The following MAST2 variants were observed in gnomAD, a reference collection of about 807,000 sequenced individuals.
The protein encoded by MAST2 is microtubule associated serine/threonine kinase 2.
In MAST2, 70 loss-of-function variants were observed where a neutral mutation model predicts 147.4. The observed-to-expected ratio is 0.47, with a 90% CI of 0.39 to 0.58. The LOEUF is 0.58. Among genes scored for constraint, MAST2 ranks in the 20% least tolerant of loss-of-function variants. The pLI is 0.00. For synonymous variants in MAST2, 869 were observed against 896.8 expected (o/e 0.97, Z 0.55); for missense variants, 2,080 against 2,302.3 (o/e 0.90, Z 1.98).
At position 46,031,024 on chromosome 1, in the gene MAST2, C is replaced by T. The variant is rs555360909; in HGVS notation, c.2726C>T (p.Ser909Leu). 8 of 1,613,508 alleles carry T rather than the reference C, an allele frequency of 5.0e-6. No homozygotes were observed. Among genetic ancestry groups the T allele is most frequent in the Admixed American group, 3.3e-5 (2 of 59,964 alleles). ...TCTCATAGATTACGGAAGCGGCTGT[C>T]GGTGTCTGAGTCATCCCACACAGAG... ...GSPEILRKRL[S>L]VSESSHTESD... Residue 909 changes from serine to leucine, a missense_variant, in exon 23 of 29, where the codon TCG becomes TTG. This residue lies in a region of MAST2 where 1,278 missense variants were observed against 1,304.2 expected (regional missense o/e 0.98). Coordinates refer to ENST00000361297, the MANE Select transcript of MAST2 (RefSeq NM_015112.3). This position sits in a 1 kb window ranked among gnomAD's most constrained non-coding sequence, Gnocchi z 4.1.
At chr1:45,955,305 A>T (rs1023913648) in intron 4 of MAST2, among the ~76,000 whole-genome samples, 4 of 152,198 alleles carry the variant, frequency 2.6e-5, no homozygotes, top group Non-Finnish European at 4.4e-5. Context: ...ACCTATACAC[A>T]TCTTCCTGTA....
chr1:46,017,121 T>C (rs1645984544), intron 10 of MAST2, among the ~76,000 whole-genome samples: 1 of 152,196 alleles, frequency 6.6e-6, no homozygotes. Flanking sequence ...TGGCTAGCCA[T>C]ATGTAGAAAG....
rs750792731 is a variant in MAST2, at chr1:46,029,552, G to C, written c.2305G>C (p.Glu769Gln). The change falls in exon 19 of 29, where the codon GAG (glutamate) becomes CAG (glutamine). Residue 769 changes from glutamate to glutamine, a missense_variant. This residue lies in a region of MAST2 where 209 missense variants were observed against 309.5 expected (regional missense o/e 0.68). Coordinates refer to ENST00000361297, the MANE Select transcript of MAST2 (RefSeq NM_015112.3). The part of the protein sequence containing the change: ...TSKLLHQNPL[E>Q]RLGTGSAYEV... Reference sequence around the variant, plus strand: ...CAAACTGCTCCACCAGAACCCTCTGGAGAGACTTGGCACAGGTAGGGCAGG... The same window carrying C: ...CAAACTGCTCCACCAGAACCCTCTGCAGAGACTTGGCACAGGTAGGGCAGG... The C allele has an allele frequency of 1.9e-6, 3 of 1,614,040 alleles. No individual in the cohort carries two copies. In the East Asian group the frequency reaches 6.7e-5, roughly 36 times the overall value.
intron 3 of MAST2, among the ~76,000 whole-genome samples, chr1:45,849,661 G>T (rs1226229311): frequency 6.6e-6 from 1 of 152,022 alleles, no homozygotes; most frequent in Non-Finnish European, 1.5e-5. Flanking sequence ...GGAGTAGCTG[G>T]GACTACAGGC....
intron 4 of MAST2, among the ~76,000 whole-genome samples, chr1:45,894,626 A>T (rs1648425171): frequency 6.6e-6 from 1 of 152,200 alleles, no homozygotes; most frequent in Non-Finnish European, 1.5e-5. Flanking sequence ...ACTCACCAAA[A>T]CTGAATAAAT....
At chr1:45,812,086 T>A (rs375848777) in intron 1 of MAST2, among the ~76,000 whole-genome samples, 68 of 152,086 alleles carry the variant, frequency 4.5e-4, no homozygotes, top group African/African-American at 1.6e-3. Flanking sequence ...CAGTATATTC[T>A]TATTTGTGTT....
At chr1:45,997,556 CCT>C (rs1302142474) in intron 5 of MAST2, among the ~76,000 whole-genome samples, 166 bp from the exon 6 acceptor site, 1 of 152,126 alleles carries the variant, frequency 6.6e-6, no homozygotes, top group Non-Finnish European at 1.5e-5. Context: ...AGGGAGAAAA[CCT>C]CTGGGCTATG....
chr1:45,993,759 C>T (rs1389320170), intron 5 of MAST2, among the ~76,000 whole-genome samples: 2 of 152,008 alleles, frequency 1.3e-5, no homozygotes, highest in African/African-American at 4.8e-5. Flanking sequence ...TTTACAAGGG[C>T]CCAGGCTGCT....
chr1:46,012,943 A>G (rs1477846486), intron 10 of MAST2, among the ~76,000 whole-genome samples: 1 of 151,990 alleles, frequency 6.6e-6, no homozygotes, highest in African/African-American at 2.4e-5. Flanking sequence ...GAGCTGCTAC[A>G]AATGACCAGC....
intron 3 of MAST2, among the ~76,000 whole-genome samples, chr1:45,871,765 C>T (rs1339968875): frequency 6.6e-6 from 1 of 152,150 alleles, no homozygotes; most frequent in Admixed American, 6.5e-5. Flanking sequence ...TCTGAGTAGG[C>T]CCTAGAATGT....
intron 1 of MAST2, among the ~76,000 whole-genome samples, chr1:45,816,123 A>G (rs1285280869): frequency 6.6e-6 from 1 of 151,892 alleles, no homozygotes. Flanking sequence ...CAGATAGGAG[A>G]TCTGGAAAAG....
rs1553203948 is a variant in MAST2, at chr1:45,820,909, T to TC, written c.178-3524_178-3523insC. On this transcript the variant is annotated intron_variant, in intron 1 of 28. Coordinates refer to ENST00000361297, the MANE Select transcript of MAST2 (RefSeq NM_015112.3). ...TTTCTTTCTCTTTTTTTTTTTTTTT[T>TC]TTTTTTTTGAGTCAGAGTCTTGCTC... 2.1e-5 allele frequency among the ~76,000 whole-genome samples: 3 copies of TC among 141,484 alleles called. No individual in the cohort carries two copies. In the South Asian group the frequency reaches 7.0e-4, roughly 33 times the overall value. The allele number at this position is 141,484 out of a possible 152,430, so 92.8% of individuals were successfully genotyped here. A position where few individuals can be genotyped will look rare whatever the true frequency, so the allele number is the denominator to read the frequency against.
intron 4 of MAST2, among the ~76,000 whole-genome samples, chr1:45,903,124 G>GTTTTT (rs1650058058): frequency 3.0e-5 from 1 of 33,806 alleles, no homozygotes; most frequent in Non-Finnish European, 5.2e-5. Flanking sequence ...ATAAATTTTT[G>GTTTTT]TCTTTTTTTT....
At chr1:45,821,853 A>G (rs1008052782) in intron 1 of MAST2, among the ~76,000 whole-genome samples, 3 of 141,448 alleles carry the variant, frequency 2.1e-5, no homozygotes, top group African/African-American at 7.9e-5. Context: ...CTCTTCTAGA[A>G]TTCCCATATT....
At chr1:45,813,911 C>T (rs1021970674) in intron 1 of MAST2, among the ~76,000 whole-genome samples, 2 of 152,248 alleles carry the variant, frequency 1.3e-5, no homozygotes, top group Admixed American at 6.5e-5. Flanking sequence ...CTTGGCCTTC[C>T]AAAATGTTGG....
At chr1:45,871,755 T>C (rs1646401012) in intron 3 of MAST2, among the ~76,000 whole-genome samples, 1 of 152,250 alleles carries the variant, frequency 6.6e-6, no homozygotes, top group Non-Finnish European at 1.5e-5. Context: ...AGCAGTGGAT[T>C]CTGAGTAGGC....
intron 4 of MAST2, among the ~76,000 whole-genome samples, chr1:45,939,979 G>GTTTTTTTTTTTTTGTTTTTTTT (rs148351945): frequency 3.5e-5 from 1 of 28,648 alleles, no homozygotes; most frequent in Admixed American, 5.2e-4. Flanking sequence ...ATTTATTTAG[G>GTTTTTTTTTTTTTGTTTTTTTT]GTTTTTTTTT....
intron 4 of MAST2, among the ~76,000 whole-genome samples, chr1:45,898,155 A>C: frequency 6.6e-6 from 1 of 152,080 alleles, no homozygotes; most frequent in Non-Finnish European, 1.5e-5. Context: ...AAAAGAAAAA[A>C]TTATAGTAGT....
chr1:45,881,706 A>G (rs1233220774), intron 3 of MAST2, among the ~76,000 whole-genome samples: 1 of 152,056 alleles, frequency 6.6e-6, no homozygotes, highest in East Asian at 1.9e-4. Context: ...TATGCTTGCC[A>G]CTAATGCCCT....
Sources: allele counts gnomAD v4.1 joint callset (sites outside exome capture counted in the v4.1 genomes callset), GRCh38; gene constraint gnomAD v4.1.1; regional missense constraint gnomAD v4.1.1; non-coding constraint Gnocchi (gnomAD v3.1); transcripts MANE v1.5; gene names NCBI Gene and HGNC (gene_info 2026-07-23, HGNC 2026-07-21).